The following RILPL1 variants were observed in gnomAD, a reference collection of about 807,000 sequenced individuals.
RILPL1 encodes RILP-like protein 1.
In RILPL1, 33 loss-of-function variants were observed where a neutral mutation model predicts 50.3. That is an observed-to-expected ratio of 0.66 (90% confidence interval 0.50 to 0.88). The LOEUF (loss-of-function observed/expected upper bound fraction) is 0.88, where lower values mean the gene tolerates loss of function less well. Ranked by LOEUF, RILPL1 falls within the 40% of genes least tolerant of loss-of-function variation. The pLI, the probability that RILPL1 is intolerant of heterozygous loss-of-function variation, is 0.00. For missense variants in RILPL1, 418 were observed against 542.5 expected (o/e 0.77, Z 2.28); for synonymous variants, 205 against 228.6 (o/e 0.90, Z 0.93).
At chr12:123,521,617 GTGTATATATATACACACA>G (rs1885033059) in intron 2 of RILPL1, among the ~76,000 whole-genome samples, 3 of 20,952 alleles carry the variant, frequency 1.4e-4, no homozygotes, top group African/African-American at 5.1e-4. Context: ...ACACACATAT[GTGTATATATATACACACA>G]TATGTGTATA....
chr12:123,530,493 C>CA (rs1356392074), intron 1 of RILPL1, among the ~76,000 whole-genome samples: 2 of 152,106 alleles, frequency 1.3e-5, no homozygotes, highest in Non-Finnish European at 2.9e-5. Context: ...ATTAACATGG[C>CA]AAAGCTGCAT....
In RILPL1 at chr12:123,516,033, C is replaced by CAAAAAAAAAAAAAAAAA. The variant is rs749657516; in HGVS notation, c.460+7445_460+7461dup. On this transcript the variant is annotated intron_variant, in intron 2 of 6. Coordinates refer to ENST00000376874, the MANE Select transcript of RILPL1 (RefSeq NM_178314.5). ...TGGGCCACAGAGCGAGACTCTGTCT[C>CAAAAAAAAAAAAAAAAA]AAAAAAAAAAAAAAAAAAAAAAAAA... is the stretch of plus-strand genomic sequence containing the variant. 4.6e-3 allele frequency among the ~76,000 whole-genome samples: 168 copies of CAAAAAAAAAAAAAAAAA among 36,188 alleles called. 13 individuals carry two copies. The highest frequency in any genetic ancestry group is 7.0e-3 in the Non-Finnish European group (130 of 18,648). The allele number at this position is 36,188 out of a possible 152,430, so 23.7% of individuals were successfully genotyped here. A position where few individuals can be genotyped will look rare whatever the true frequency, so the allele number is the denominator to read the frequency against.
At chr12:123,514,421 A>G (rs1884573712) in intron 2 of RILPL1, 1 of 149,556 alleles carries the variant, frequency 6.7e-6, no homozygotes, top group Non-Finnish European at 1.5e-5. Context: ...CAACACTGTC[A>G]TGATTTTAAA....
At chr12:123,482,477 G>A (rs1010872300) in intron 6 of RILPL1, among the ~76,000 whole-genome samples, 8 of 152,046 alleles carry the variant, frequency 5.3e-5, no homozygotes, top group Admixed American at 2.6e-4. Context: ...GTCTCACTAC[G>A]TGGCCCAGGT....
Position 123,507,731 on chromosome 12 carries a change from C to T in RILPL1, c.461-8195G>A, listed in dbSNP as rs568444982. On this transcript the variant is annotated intron_variant, in intron 2 of 6. Transcript: ENST00000376874. ...CCGGGGTGGGTGGATCACCTGATGTCGGGAGTTCTAGACCAACCTGACCAA... is the reference window on the plus strand; with the variant it reads ...CCGGGGTGGGTGGATCACCTGATGTTGGGAGTTCTAGACCAACCTGACCAA... Among the ~76,000 whole-genome samples the T allele has an allele frequency of 3.9e-5, 6 of 151,952 alleles. No individual in the cohort carries two copies. In the East Asian group the frequency reaches 7.8e-4, roughly 20 times the overall value.
In RILPL1 at chr12:123,507,941, CA is replaced by C. The variant is rs1327578815; in HGVS notation, c.461-8406del. ...GGGCAAAGAGAGTGAAACTCCATCTCAAAAAAAAAAAGAAAAAAAAAAAAAA... is the reference window on the plus strand; with the variant it reads ...GGGCAAAGAGAGTGAAACTCCATCTCAAAAAAAAAAGAAAAAAAAAAAAAA... On this transcript the variant is annotated intron_variant, in intron 2 of 6. Coordinates refer to ENST00000376874, the MANE Select transcript of RILPL1 (RefSeq NM_178314.5). Among the ~76,000 whole-genome samples the C allele has an allele frequency of 6.1e-4, 28 of 45,630 alleles. No homozygotes were observed. In the East Asian group the frequency reaches 8.9e-3, roughly 15 times the overall value. 29.9% of individuals were successfully genotyped at this position (45,630 alleles called of 152,430 possible).
chr12:123,477,337 CT>C (rs371346379), intron 6 of RILPL1, among the ~76,000 whole-genome samples: 2,433 of 105,186 alleles, frequency 0.023, 38 homozygotes, highest in African/African-American at 0.053. Flanking sequence ...TTCTTTCTTT[CT>C]TTTTTTTTTT....
chr12:123,509,299 C>T (rs1171441924), intron 2 of RILPL1, among the ~76,000 whole-genome samples: 1 of 152,306 alleles, frequency 6.6e-6, no homozygotes, highest in East Asian at 1.9e-4. Context: ...CATGGTGGCT[C>T]ACGCCTACAA....
intron 6 of RILPL1, among the ~76,000 whole-genome samples, chr12:123,476,418 G>A (rs1435455958): frequency 6.7e-6 from 1 of 148,888 alleles, no homozygotes; most frequent in Non-Finnish European, 1.5e-5. Flanking sequence ...TCCAGCCTGG[G>A]CAACAAGAGC....
chr12:123,504,917 T>C (rs984896842), intron 2 of RILPL1, among the ~76,000 whole-genome samples: 2 of 152,190 alleles, frequency 1.3e-5, no homozygotes, highest in African/African-American at 4.8e-5. Context: ...CACCAGAATG[T>C]GTCACCACGG....
At chr12:123,486,278 T>G (rs1882327429) in intron 4 of RILPL1, among the ~76,000 whole-genome samples, 1 of 152,180 alleles carries the variant, frequency 6.6e-6, no homozygotes, top group African/African-American at 2.4e-5. Flanking sequence ...TTTTCCCTGT[T>G]GTTATGGGCC....
Position 123,472,864 on chromosome 12 carries a change from G to A in RILPL1, c.1068-182C>T, listed in dbSNP as rs115998695. The A allele has an allele frequency of 4.3e-3, 2,680 of 621,912 alleles. 66 individuals are homozygous for A. The highest frequency in any genetic ancestry group is 0.042 in the African/African-American group (2,283 of 54,376). 38.5% of individuals were successfully genotyped at this position (621,912 alleles called of 1,614,324 possible). Reference sequence around the variant, plus strand: ...CCAAGAAAGCAGCAGGGTATTCTGCGTGTCATTTGGACACGGTACCTTGGA... The same window carrying A: ...CCAAGAAAGCAGCAGGGTATTCTGCATGTCATTTGGACACGGTACCTTGGA... On this transcript the variant is annotated intron_variant, in intron 6 of 6. Transcript: ENST00000376874.
At chr12:123,508,349 GTGCCAC>G (rs1482587136) in intron 2 of RILPL1, among the ~76,000 whole-genome samples, 1 of 151,958 alleles carries the variant, frequency 6.6e-6, no homozygotes, top group Non-Finnish European at 1.5e-5. Context: ...AGCTATGATT[GTGCCAC>G]TGCTCTTCAG....
chr12:123,476,713 TGCTGAC>T lies in RILPL1; in HGVS notation c.1068-4037_1068-4032del, dbSNP rs150756329. Among the ~76,000 whole-genome samples, 1,261 of 152,274 alleles carry T rather than the reference TGCTGAC, an allele frequency of 8.3e-3. 26 individuals are homozygous for T. The highest frequency in any genetic ancestry group is 0.028 in the African/African-American group (1,161 of 41,546). On this transcript the variant is annotated intron_variant, in intron 6 of 6. Coordinates refer to ENST00000376874, the MANE Select transcript of RILPL1 (RefSeq NM_178314.5). ...TACAGTCCGAAGAAGGAGCTGACCC[TGCTGAC>T]GCCTTTATCGTGGCCTTCTGGCCTC...
rs756906393 is a variant in RILPL1 at position 123,499,448 on chromosome 12, C to G, written c.549G>C (p.Glu183Asp). 3.7e-6 allele frequency: 6 copies of G among 1,613,918 alleles called. No individual in the cohort carries two copies. Among genetic ancestry groups the G allele is most frequent in the Non-Finnish European group, 4.2e-6 (5 of 1,179,826 alleles). ...CAACGTCCTCATTTTTCAGGCCCAG[C>G]TCCCTGTCCTTGGCGCGGATCTCGT... ...QRDEIRAKDR[E>D]LGLKNEDVEA... The change falls in exon 3 of 7, where the codon GAG (glutamate) becomes GAC (aspartate). Residue 183 changes from glutamate (E) to aspartate (D), a missense_variant. Transcript: ENST00000376874.
At chr12:123,483,990 A>G (rs1882159981) in intron 6 of RILPL1, among the ~76,000 whole-genome samples, 190 bp downstream of exon 6, 1 of 152,114 alleles carries the variant, frequency 6.6e-6, no homozygotes, top group East Asian at 1.9e-4. Context: ...CTCTCTGCCC[A>G]GAGACCCCCA....
At chr12:123,506,108 G>A (rs1440637399) in intron 2 of RILPL1, among the ~76,000 whole-genome samples, 4 of 152,232 alleles carry the variant, frequency 2.6e-5, no homozygotes, top group Non-Finnish European at 5.9e-5. Context: ...AGTGACCAGG[G>A]AGACCCCATG....
intron 1 of RILPL1, among the ~76,000 whole-genome samples, chr12:123,526,177 G>A: frequency 6.6e-6 from 1 of 151,910 alleles, no homozygotes; most frequent in Non-Finnish European, 1.5e-5. Flanking sequence ...ATGGTGGTGG[G>A]CACCTGTAAT....
At chr12:123,506,769 A>G (rs950700314) in intron 2 of RILPL1, among the ~76,000 whole-genome samples, 4 of 152,294 alleles carry the variant, frequency 2.6e-5, no homozygotes, top group East Asian at 1.9e-4. Flanking sequence ...GATGCTGTTC[A>G]TGTAAAGTAC....
Sources: allele counts gnomAD v4.1 joint callset (sites outside exome capture counted in the v4.1 genomes callset), GRCh38; gene constraint gnomAD v4.1.1; transcripts MANE v1.5; gene names NCBI Gene and HGNC (gene_info 2026-07-23, HGNC 2026-07-21).